Variants in ATRNL1 observed in about 807,000 individuals in gnomAD.
ATRNL1 encodes attractin like 1, also known as attractin-like protein 1.
A neutral mutation model predicts 182.7 loss-of-function variants in ATRNL1; 95 were observed. That is an observed-to-expected ratio of 0.52 (90% CI 0.44 to 0.62). The LOEUF (loss-of-function observed/expected upper bound fraction) is 0.62. Ranked by LOEUF, ATRNL1 falls within the 20% of genes least tolerant of loss-of-function variation. The probability of loss-of-function intolerance (pLI) is 0.00; values close to 1 mark genes in which losing one functional copy is unlikely to be tolerated. For missense variants in ATRNL1, 1,471 were observed against 1,679.5 expected, an observed-to-expected ratio of 0.88 and a Z score of 2.17; for synonymous variants, 576 against 568.3, an observed-to-expected ratio of 1.01 and a Z score of -0.19.
At chr10:115,248,650 G>A (rs1204708010) in intron 10 of ATRNL1, among the ~76,000 whole-genome samples, 1 of 151,968 alleles carries the variant, frequency 6.6e-6, no homozygotes, top group African/African-American at 2.4e-5. Context: ...TGAATGCCAG[G>A]GGACAATTCC....
At chr10:115,811,168 T>A (rs749565837) in intron 27 of ATRNL1, among the ~76,000 whole-genome samples, 11 of 152,022 alleles carry the variant, frequency 7.2e-5, no homozygotes, top group Admixed American at 2.0e-4. Context: ...AAATTTTGAC[T>A]TGTTATATTT....
rs940374161 is a variant in ATRNL1, at chr10:115,290,529, G to A, written c.2415+4132G>A. ...AAATTAGCTGGGCCTGGTGGCGGGCGCCTGTAATCCCAGCCACTTCCGAGG... is the reference window on the plus strand; with the variant it reads ...AAATTAGCTGGGCCTGGTGGCGGGCACCTGTAATCCCAGCCACTTCCGAGG... On this transcript the variant is annotated intron_variant, in intron 15 of 28. Transcript: ENST00000355044. Among the ~76,000 whole-genome samples the A allele has an allele frequency of 2.6e-5, 4 of 152,206 alleles. No homozygotes were observed. The South Asian group carries it at 6.2e-4, about 24-fold the overall frequency.
chr10:115,816,066 G>A (rs535136391), intron 27 of ATRNL1, among the ~76,000 whole-genome samples: 1 of 152,234 alleles, frequency 6.6e-6, no homozygotes, highest in Admixed American at 6.6e-5. Context: ...TGAGCAAAAA[G>A]AAACCCCTCT....
At chr10:115,749,502 G>C (rs1948387318) in intron 27 of ATRNL1, among the ~76,000 whole-genome samples, 1 of 151,782 alleles carries the variant, frequency 6.6e-6, no homozygotes, top group African/African-American at 2.4e-5. Context: ...TAAAAGACGT[G>C]TACAGTAAAG....
chr10:115,387,810 A>T (rs1181625187), intron 19 of ATRNL1, among the ~76,000 whole-genome samples: 2 of 152,038 alleles, frequency 1.3e-5, no homozygotes, highest in South Asian at 4.1e-4. Context: ...TGGATATTTT[A>T]TCATTTATAA....
intron 26 of ATRNL1, among the ~76,000 whole-genome samples, chr10:115,658,345 C>G (rs1390733837): frequency 6.6e-6 from 1 of 151,634 alleles, no homozygotes; most frequent in Non-Finnish European, 1.5e-5. Flanking sequence ...TAATACAAAA[C>G]CCCTTAAAGG....
At chr10:115,359,578 G>T (rs1856644176) in intron 19 of ATRNL1, among the ~76,000 whole-genome samples, 2 of 151,340 alleles carry the variant, frequency 1.3e-5, no homozygotes, top group Non-Finnish European at 3.0e-5. Context: ...ATGAGAATTG[G>T]TTTTAATTAT....
intron 27 of ATRNL1, among the ~76,000 whole-genome samples, chr10:115,847,655 G>C (rs1950960931): frequency 6.6e-6 from 1 of 152,106 alleles, no homozygotes; most frequent in African/African-American, 2.4e-5. Flanking sequence ...TAACTTTGTG[G>C]CTCACAAGCT....
rs562927322 is a variant in ATRNL1, at chr10:115,198,828, T to G, written c.1349-16869T>G. Among the ~76,000 whole-genome samples, 42 of 152,306 alleles carry G rather than the reference T, an allele frequency of 2.8e-4. No homozygotes were observed. In the South Asian group the frequency reaches 8.5e-3, roughly 31 times the overall value. The stretch of plus-strand genomic sequence containing the variant: ...TTAATTGACTATAAATGTGTGAATT[T>G]ATTTTCAGGTCCCCTGTTCTGTTTC... On this transcript the variant is annotated intron_variant, in intron 8 of 28. Transcript: ENST00000355044.
At chr10:115,636,806 A>C (rs1858905129) in intron 26 of ATRNL1, among the ~76,000 whole-genome samples, 1 of 152,242 alleles carries the variant, frequency 6.6e-6, no homozygotes, top group African/African-American at 2.4e-5. Context: ...AACAGCTCAA[A>C]TGTCTAGCAA....
intron 1 of ATRNL1, among the ~76,000 whole-genome samples, chr10:115,115,435 G>A (rs1312112357): frequency 7.2e-5 from 11 of 152,022 alleles, no homozygotes; most frequent in African/African-American, 2.7e-4. Context: ...TGTATGTGGG[G>A]TGATGGGTAT....
At chr10:115,672,156 G>A (rs1945716551) in intron 26 of ATRNL1, among the ~76,000 whole-genome samples, 1 of 151,976 alleles carries the variant, frequency 6.6e-6, no homozygotes, top group African/African-American at 2.4e-5. Context: ...ATTTATATAT[G>A]CCCAGCCAGG....
intron 27 of ATRNL1, among the ~76,000 whole-genome samples, chr10:115,824,285 G>A (rs1555091311): frequency 1.3e-5 from 2 of 152,098 alleles, no homozygotes; most frequent in African/African-American, 4.8e-5. Context: ...ACTCAAGATG[G>A]ATTAAAGACT....
At chr10:115,502,189 C>T (rs893162194) in intron 24 of ATRNL1, among the ~76,000 whole-genome samples, 2 of 152,000 alleles carry the variant, frequency 1.3e-5, no homozygotes, top group South Asian at 4.1e-4. Flanking sequence ...TGTATTTATA[C>T]AAATACAGCT....
intron 26 of ATRNL1, among the ~76,000 whole-genome samples, chr10:115,640,290 C>T (rs1246313459): frequency 1.3e-5 from 2 of 152,156 alleles, no homozygotes; most frequent in Non-Finnish European, 2.9e-5. Flanking sequence ...GGAATATACC[C>T]AGTAATGGGA....
At chr10:115,827,193 A>AC (rs2134300272) in intron 27 of ATRNL1, among the ~76,000 whole-genome samples, 1 of 152,330 alleles carries the variant, frequency 6.6e-6, no homozygotes, top group South Asian at 2.1e-4. Context: ...GGAGCCTCCA[A>AC]CGTCTGAAAG....
chr10:115,730,566 T>C (rs1947766241), intron 27 of ATRNL1, among the ~76,000 whole-genome samples: 1 of 152,146 alleles, frequency 6.6e-6, no homozygotes, highest in Non-Finnish European at 1.5e-5. Context: ...TGTGTATATA[T>C]ACATATGTTT....
chr10:115,379,627 T>G (rs1314448541), intron 19 of ATRNL1, among the ~76,000 whole-genome samples: 1 of 152,204 alleles, frequency 6.6e-6, no homozygotes, highest in Admixed American at 6.5e-5. Flanking sequence ...TCATGATATA[T>G]TCATTATTTT....
At chr10:115,435,492 A>C (rs1230207728) in intron 21 of ATRNL1, among the ~76,000 whole-genome samples, 1 of 152,208 alleles carries the variant, frequency 6.6e-6, no homozygotes, top group Non-Finnish European at 1.5e-5. Flanking sequence ...CTGTGAGCCC[A>C]TAAATTTATA....
Sources: gnomAD v4.1 joint callset for allele counts (sites outside exome capture counted in the v4.1 genomes callset) on GRCh38, gnomAD v4.1.1 for gene constraint, MANE v1.5 for transcripts, NCBI Gene and HGNC (gene_info 2026-07-23, HGNC 2026-07-21) for gene names.